The following POLK variants were observed in gnomAD, a reference collection of about 807,000 sequenced individuals.
POLK encodes the protein polymerase (DNA directed) kappa.
Under a neutral mutation model 94.0 loss-of-function variants are expected in POLK, and 76 were observed. The ratio of observed to expected loss-of-function variants is 0.81; its 90% confidence interval spans 0.67 to 0.98. The LOEUF (loss-of-function observed/expected upper bound fraction) is 0.98. Ranked by LOEUF, POLK falls within the 50% of genes least tolerant of loss-of-function variation. The pLI is 0.00. For synonymous variants in POLK, 349 were observed against 325.4 expected (o/e 1.07, Z -0.78); for missense variants, 954 against 1,010.1 (o/e 0.94, Z 0.75).
intron 1 of POLK, among the ~76,000 whole-genome samples, chr5:75,537,127 G>A (rs746013286): frequency 4.6e-5 from 7 of 152,230 alleles, no homozygotes; most frequent in Non-Finnish European, 1.0e-4. Context: ...AAATCTTACT[G>A]CTTTCAGGCA....
At chr5:75,585,084 G>T (rs538022280) in intron 9 of POLK, among the ~76,000 whole-genome samples, 158 bp downstream of exon 9, 2 of 152,354 alleles carry the variant, frequency 1.3e-5, no homozygotes, top group South Asian at 4.1e-4. Context: ...CAGATTGGAT[G>T]TAGGAGGAAA....
chr5:75,587,075 T>C lies in POLK; in HGVS notation c.1259+17T>C. On this transcript the variant is annotated intron_variant, in intron 10 of 14. Coordinates refer to ENST00000241436, the Ensembl canonical transcript of POLK. ...CGTTGAGAGGTAATGTTTTATTATT[T>C]ATTGTTAATTGTGCATAATTCATGT... is the stretch of plus-strand genomic sequence containing the variant. 3.7e-6 allele frequency: 5 copies of C among 1,357,626 alleles called. No homozygotes were observed. The highest frequency in any genetic ancestry group is 5.2e-6 in the Non-Finnish European group (5 of 960,088). The allele number at this position is 1,357,626 out of a possible 1,614,324, so 84.1% of individuals were successfully genotyped here.
At chr5:75,601,699 G>A (rs1773300418), downstream of POLK, among the ~76,000 whole-genome samples, 1 of 152,150 alleles carries the variant, frequency 6.6e-6, no homozygotes, top group Non-Finnish European at 1.5e-5. Flanking sequence ...ACTTCCACCA[G>A]TGATTTGCCA....
At chr5:75,541,232 C>T (rs909834155) in intron 1 of POLK, among the ~76,000 whole-genome samples, 10 of 151,638 alleles carry the variant, frequency 6.6e-5, no homozygotes, top group African/African-American at 2.2e-4. Flanking sequence ...CGGAGGTTGC[C>T]GTGAGCCGAT....
chr5:75,550,155 G>A (rs1037197577), intron 2 of POLK, among the ~76,000 whole-genome samples: 13 of 152,082 alleles, frequency 8.5e-5, no homozygotes, highest in Non-Finnish European at 1.9e-4. Context: ...TGATACCAAA[G>A]CCAAACACAA....
chr5:75,519,196 C>T (rs1768457771), intron 1 of POLK, among the ~76,000 whole-genome samples: 1 of 152,160 alleles, frequency 6.6e-6, no homozygotes, highest in Non-Finnish European at 1.5e-5. Context: ...TGTATTGTTT[C>T]CCAGGTTCCT....
At chr5:75,544,180 A>C (rs543609975) in intron 1 of POLK, among the ~76,000 whole-genome samples, 1 of 152,284 alleles carries the variant, frequency 6.6e-6, no homozygotes, top group East Asian at 1.9e-4. Context: ...ATATGTGAAG[A>C]GTAGGCATTC....
intron 1 of POLK, among the ~76,000 whole-genome samples, chr5:75,540,353 C>T (rs1769675182): frequency 1.3e-5 from 2 of 151,708 alleles, no homozygotes; most frequent in Non-Finnish European, 2.9e-5. Flanking sequence ...GTTGTCCAGG[C>T]TGGAGTGCAG....
chr5:75,594,733 G>C (rs1416453382), intron 12 of POLK, among the ~76,000 whole-genome samples: 1 of 152,090 alleles, frequency 6.6e-6, no homozygotes, highest in Admixed American at 6.5e-5. Flanking sequence ...AGAACTTTTT[G>C]GATTTTGGAA....
At chr5:75,598,952 A>G (rs968271619) in exon 15 of POLK, 2 of 152,122 alleles carry the variant, frequency 1.3e-5, no homozygotes, top group African/African-American at 2.4e-5. Flanking sequence ...TCAAAAAATA[A>G]TTAGTTAGGC....
intron 1 of POLK, among the ~76,000 whole-genome samples, chr5:75,530,396 C>CTTTTTTTTTTTTTTTTTTT (rs201266079): frequency 3.2e-5 from 2 of 61,618 alleles, no homozygotes; most frequent in African/African-American, 6.7e-5. Context: ...TTCCCTTTTT[C>CTTTTTTTTTTTTTTTTTTT]TTTTTTTTTT....
chr5:75,539,736 G>T (rs1769639879), intron 1 of POLK, among the ~76,000 whole-genome samples: 1 of 152,104 alleles, frequency 6.6e-6, no homozygotes, highest in African/African-American at 2.4e-5. Flanking sequence ...TGGGATTATA[G>T]GCATAAGCCA....
At chr5:75,577,025 CATAG>C in intron 6 of POLK, 92 bp downstream of exon 6, 1 of 735,372 alleles carries the variant, frequency 1.4e-6, no homozygotes. Flanking sequence ...TATTAGCCTG[CATAG>C]GTAGAAGGGA....
At chr5:75,574,172 A>T (rs1581056226) in intron 5 of POLK, among the ~76,000 whole-genome samples, 1 of 152,272 alleles carries the variant, frequency 6.6e-6, no homozygotes, top group Non-Finnish European at 1.5e-5. Flanking sequence ...ATTTTTTCTT[A>T]ATGTACAATA....
At chr5:75,540,686 C>T (rs1267526546) in intron 1 of POLK, among the ~76,000 whole-genome samples, 1 of 152,054 alleles carries the variant, frequency 6.6e-6, no homozygotes, top group Non-Finnish European at 1.5e-5. Context: ...AATGTTTTCT[C>T]GTTTTCTAAG....
At chr5:75,544,844 G>A (rs1408338641) in intron 1 of POLK, among the ~76,000 whole-genome samples, 1 of 152,114 alleles carries the variant, frequency 6.6e-6, no homozygotes, top group Non-Finnish European at 1.5e-5. Flanking sequence ...GAAGCGTAAG[G>A]CAAAATATAG....
intron 1 of POLK, among the ~76,000 whole-genome samples, chr5:75,533,003 T>C (rs1717239074): frequency 6.6e-6 from 1 of 152,196 alleles, no homozygotes; most frequent in South Asian, 2.1e-4. Flanking sequence ...CTTGGATCCG[T>C]AGTTTGCAGA....
intron 1 of POLK, among the ~76,000 whole-genome samples, chr5:75,520,475 G>C (rs1246642333): frequency 1.3e-5 from 2 of 152,132 alleles, no homozygotes; most frequent in Non-Finnish European, 2.9e-5. Context: ...GCTCACTGTA[G>C]TCTCGAACTC....
At chr5:75,512,875 C>T (rs566305930) in intron 1 of POLK, 1 of 152,392 alleles carries the variant, frequency 6.6e-6, no homozygotes, top group South Asian at 2.1e-4. Context: ...CGCCTGTAAT[C>T]CCAGCACTTC....
Sources: gnomAD v4.1 joint callset for allele counts (sites outside exome capture counted in the v4.1 genomes callset) on GRCh38, gnomAD v4.1.1 for gene constraint, MANE v1.5 for transcripts, NCBI Gene and HGNC (gene_info 2026-07-23, HGNC 2026-07-21) for gene names.